The following THSD7A variants were observed in gnomAD, a reference collection of about 807,000 sequenced individuals.
THSD7A encodes thrombospondin type 1 domain containing 7A.
THSD7A carries 96 observed loss-of-function variants against 231.3 expected under a neutral mutation model. The ratio of observed to expected loss-of-function variants is 0.41; its 90% CI spans 0.35 to 0.49. THSD7A has a LOEUF of 0.49. Ranked by LOEUF, THSD7A falls within the 20% of genes least tolerant of loss-of-function variation. THSD7A has a pLI of 0.05. For missense variants in THSD7A, 2,290 were observed against 2,070.2 expected, an observed-to-expected ratio of 1.11 and a Z score of -2.06; for synonymous variants, 940 against 743.3, an observed-to-expected ratio of 1.26 and a Z score of -4.30.
intron 1 of THSD7A, among the ~76,000 whole-genome samples, chr7:11,716,792 C>A (rs185606941): frequency 1.2e-4 from 18 of 151,498 alleles, no homozygotes; most frequent in African/African-American, 4.3e-4. Context: ...ATTTGTCTTT[C>A]TGAAGAAAAA....
At chr7:11,769,610 C>T (rs57422391) in intron 1 of THSD7A, among the ~76,000 whole-genome samples, 5,166 of 152,214 alleles carry the variant, frequency 0.034, 100 homozygotes, top group East Asian at 0.11. Flanking sequence ...CTGGTATTCA[C>T]ACCCAGACAT....
rs1784986402 is a variant in THSD7A, at chr7:11,446,832, A to C, written c.2800+398T>G. On this transcript the variant is annotated intron_variant, in intron 12 of 27. Transcript: ENST00000423059. This position sits in a 1 kb window ranked among gnomAD's most constrained non-coding sequence, Gnocchi z 4.0. ...GGTTTAAAATACAATTTTCAGATACAGAATTAATGCTATATTCCCCCTTCT... is the reference window on the plus strand; with the variant it reads ...GGTTTAAAATACAATTTTCAGATACCGAATTAATGCTATATTCCCCCTTCT... Among the ~76,000 whole-genome samples the C allele has an allele frequency of 6.6e-6, 1 of 152,184 alleles. No individual in the cohort carries two copies. Among genetic ancestry groups the C allele is most frequent in the African/African-American group, 2.4e-5 (1 of 41,450 alleles).
At chr7:11,522,293 A>G (rs1237770803) in intron 6 of THSD7A, among the ~76,000 whole-genome samples, 6 of 152,176 alleles carry the variant, frequency 3.9e-5, no homozygotes. Context: ...ATGTTTCCCC[A>G]AGGCCATGGG....
chr7:11,646,722 A>G (rs1782296008), intron 1 of THSD7A, among the ~76,000 whole-genome samples: 2 of 151,998 alleles, frequency 1.3e-5, no homozygotes, highest in African/African-American at 4.8e-5. Context: ...TCCTATCACA[A>G]TTTTCACTCT....
At chr7:11,794,723 T>C (rs1172717057) in intron 1 of THSD7A, among the ~76,000 whole-genome samples, 2 of 151,962 alleles carry the variant, frequency 1.3e-5, no homozygotes, top group African/African-American at 4.8e-5. Flanking sequence ...ATAAGTCTTT[T>C]TGCCAGTGAG....
At chr7:11,791,927 T>C (rs115197542) in intron 1 of THSD7A, among the ~76,000 whole-genome samples, 1,555 of 152,068 alleles carry the variant, frequency 0.01, 28 homozygotes, top group African/African-American at 0.036. Context: ...TTTTTACTAA[T>C]TTGATTCTTG....
rs540811641 is a variant in THSD7A at position 11,588,013 on chromosome 7, A to T, written c.1453+2447T>A. On this transcript the variant is annotated intron_variant, in intron 4 of 27. Transcript: ENST00000423059. ...CAGTGTAGATAGTTCTTTAAGTAAA[A>T]CTGAGTTGTTCATAGTACAGGTTGT... is the stretch of plus-strand genomic sequence containing the variant. Among the ~76,000 whole-genome samples the T allele has an allele frequency of 8.5e-4, 130 of 152,260 alleles. 1 individual carries two copies. The highest frequency in any genetic ancestry group is 1.4e-3 in the Non-Finnish European group (94 of 68,004).
intron 6 of THSD7A, among the ~76,000 whole-genome samples, chr7:11,533,803 G>C (rs1788802608): frequency 6.6e-6 from 1 of 152,246 alleles, no homozygotes; most frequent in African/African-American, 2.4e-5. Flanking sequence ...CTAGGTGACA[G>C]GTTGACAAGT....
intron 7 of THSD7A, among the ~76,000 whole-genome samples, chr7:11,479,634 G>A (rs865796003): frequency 9.5e-5 from 14 of 147,930 alleles, no homozygotes; most frequent in African/African-American, 3.4e-4. Flanking sequence ...TCAGAATTAG[G>A]AAAGATTTAT....
rs138056331 is a variant in THSD7A at position 11,662,699 on chromosome 7, T to C, written c.191-25738A>G. Among the ~76,000 whole-genome samples, 623 of 151,386 alleles carry C rather than the reference T, an allele frequency of 4.1e-3. 3 individuals are homozygous for C. Among genetic ancestry groups the C allele is most frequent in the African/African-American group, 0.014 (591 of 41,428 alleles). On this transcript the variant is annotated intron_variant, in intron 1 of 27. Transcript: ENST00000423059. ...GTAAATCTCAATAAACCTCAAAGGA[T>C]TGAAATTAGAAAGAGTATAATCTCT...
At chr7:11,535,744 A>C (rs1208310348) in intron 6 of THSD7A, among the ~76,000 whole-genome samples, 1 of 152,150 alleles carries the variant, frequency 6.6e-6, no homozygotes, top group Admixed American at 6.6e-5. Flanking sequence ...AATTTGTGTT[A>C]AGAAGTAGAT....
intron 6 of THSD7A, among the ~76,000 whole-genome samples, chr7:11,519,350 T>C (rs944504503): frequency 5.3e-5 from 8 of 152,182 alleles, no homozygotes; most frequent in African/African-American, 1.9e-4. Context: ...CTTTGTCTAG[T>C]TTTGAAATTC....
chr7:11,509,017 C>A (rs1209128766), intron 6 of THSD7A, among the ~76,000 whole-genome samples: 2 of 152,148 alleles, frequency 1.3e-5, no homozygotes, highest in African/African-American at 4.8e-5. Flanking sequence ...CTATATAACA[C>A]TATACCAACA....
intron 4 of THSD7A, among the ~76,000 whole-genome samples, chr7:11,551,224 C>A (rs918578040): frequency 7.9e-5 from 12 of 152,134 alleles, no homozygotes; most frequent in Admixed American, 5.2e-4. Flanking sequence ...AATGTAAAAT[C>A]TAATACTATA....
chr7:11,427,193 T>A (rs1466575647), intron 14 of THSD7A, among the ~76,000 whole-genome samples: 1 of 152,222 alleles, frequency 6.6e-6, no homozygotes, highest in Non-Finnish European at 1.5e-5. Context: ...CTGAGGAACA[T>A]ATAATTGTAG....
intron 1 of THSD7A, among the ~76,000 whole-genome samples, chr7:11,774,390 C>T (rs967481574): frequency 6.6e-6 from 1 of 151,920 alleles, no homozygotes. Context: ...TAAATCAGTT[C>T]TAGAGATGTG....
intron 6 of THSD7A, among the ~76,000 whole-genome samples, chr7:11,536,036 G>A (rs1013407338): frequency 3.3e-5 from 5 of 152,116 alleles, no homozygotes; most frequent in African/African-American, 4.8e-5. Flanking sequence ...TCCATTTTAA[G>A]TTATTGAAAA....
intron 6 of THSD7A, among the ~76,000 whole-genome samples, chr7:11,495,334 C>T (rs534656516): frequency 6.6e-6 from 1 of 151,926 alleles, no homozygotes; most frequent in Admixed American, 6.6e-5. Flanking sequence ...CTTTAGAAGA[C>T]CCTTGGCCGT....
Position 11,470,037 on chromosome 7 carries a change from A to C in THSD7A, c.2253-43T>G, listed in dbSNP as rs1026794050. On this transcript the variant is annotated intron_variant, in intron 8 of 27. Coordinates refer to ENST00000423059, the MANE Select transcript of THSD7A (RefSeq NM_015204.3). The stretch of plus-strand genomic sequence containing the variant: ...AATTATTAGGCTTCAATAGTAAAGC[A>C]GAAAATCAGATAATTTAATTTCTCT... 2.3e-6 allele frequency: 3 copies of C among 1,290,774 alleles called. No homozygotes were observed. The African/African-American group carries it at 4.4e-5, about 19-fold the overall frequency. 80.0% of individuals were successfully genotyped at this position (1,290,774 alleles called of 1,614,324 possible). A position where few individuals can be genotyped will look rare whatever the true frequency, so the allele number is the denominator to read the frequency against.
Sources: gnomAD v4.1 joint callset for allele counts (sites outside exome capture counted in the v4.1 genomes callset) on GRCh38, gnomAD v4.1.1 for gene constraint, Gnocchi (gnomAD v3.1) non-coding constraint, MANE v1.5 for transcripts, NCBI Gene and HGNC (gene_info 2026-07-23, HGNC 2026-07-21) for gene names.